The following ERBB4 variants were observed in gnomAD, a reference collection of about 807,000 sequenced individuals.
ERBB4 encodes erb-b2 receptor tyrosine kinase 4, also known as receptor tyrosine-protein kinase erbB-4.
Under a neutral mutation model 158.0 loss-of-function variants are expected in ERBB4, and 42 were observed. The observed-to-expected ratio is 0.27, with a 90% confidence interval of 0.21 to 0.34. The LOEUF (loss-of-function observed/expected upper bound fraction) is 0.34, where lower values mean the gene tolerates loss of function less well. Ranked by LOEUF, ERBB4 falls within the 10% of genes least tolerant of loss-of-function variation. The pLI, the probability that ERBB4 is intolerant of heterozygous loss-of-function variation, is 1.00. For missense variants in ERBB4, 1,333 were observed against 1,624.1 expected (o/e 0.82, Z 3.08); for synonymous variants, 583 against 558.7 (o/e 1.04, Z -0.61).
intron 4 of ERBB4, among the ~76,000 whole-genome samples, chr2:211,759,567 C>G (rs1340911773): frequency 2.0e-5 from 3 of 152,088 alleles, no homozygotes; most frequent in Non-Finnish European, 4.4e-5. Context: ...TCTTCTGTTT[C>G]CTCTTCCTCT....
chr2:211,904,391 C>T (rs1364009015), intron 3 of ERBB4, among the ~76,000 whole-genome samples: 1 of 151,948 alleles, frequency 6.6e-6, no homozygotes, highest in African/African-American at 2.4e-5. Context: ...ATAAATGGAC[C>T]CATATTCAGG....
At chr2:212,154,503 T>C (rs1209567180) in intron 1 of ERBB4, among the ~76,000 whole-genome samples, 2 of 152,150 alleles carry the variant, frequency 1.3e-5, no homozygotes, top group Admixed American at 1.3e-4. Context: ...TTTAATATGC[T>C]AGGAGTTTAA....
At position 212,269,427 on chromosome 2, in the gene ERBB4, G is replaced by A. The variant is rs527554659; in HGVS notation, c.83-144524C>T. ...TGTGTTCATACTTATTCATGTGTGG[G>A]GAAAGCCAGCTGATTGGCATGATCC... On this transcript the variant is annotated intron_variant, in intron 1 of 27. Transcript: ENST00000342788. Among the ~76,000 whole-genome samples, 3 of 151,920 alleles carry A rather than the reference G, an allele frequency of 2.0e-5. No individual in the cohort carries two copies. In the South Asian group the frequency reaches 6.2e-4, roughly 32 times the overall value.
chr2:211,823,584 C>T (rs2077038383), intron 3 of ERBB4, among the ~76,000 whole-genome samples: 1 of 151,938 alleles, frequency 6.6e-6, no homozygotes, highest in Non-Finnish European at 1.5e-5. Flanking sequence ...AATGGAGAAT[C>T]TATAGAACCT....
chr2:211,703,979 A>G (rs2073345846), intron 11 of ERBB4, 125 bp downstream of exon 11: 4 of 740,120 alleles, frequency 5.4e-6, no homozygotes, highest in South Asian at 1.4e-5. Flanking sequence ...ATCTTTGGAA[A>G]TAAGGATGGA....
At chr2:212,279,450 A>G (rs1441874595) in intron 1 of ERBB4, among the ~76,000 whole-genome samples, 7 of 151,582 alleles carry the variant, frequency 4.6e-5, no homozygotes, top group Non-Finnish European at 8.9e-5. Flanking sequence ...TAATTCCATA[A>G]CTTAGCAATC....
chr2:212,488,458 C>T (rs1305921770), intron 1 of ERBB4, among the ~76,000 whole-genome samples: 1 of 151,936 alleles, frequency 6.6e-6, no homozygotes, highest in East Asian at 1.9e-4. Flanking sequence ...TTCTAAATCA[C>T]AAATCTCATC....
rs528648252 is a variant in ERBB4, at chr2:212,057,433, G to T, written c.234+67319C>A. ...CTCAGCTCTGCACCAAGTGGACCTA[G>T]TAGGCATCTACAGAACTCTCCACCC... On this transcript the variant is annotated intron_variant, in intron 2 of 27. Coordinates refer to ENST00000342788, the MANE Select transcript of ERBB4 (RefSeq NM_005235.3). Among the ~76,000 whole-genome samples, 13 of 152,216 alleles carry T rather than the reference G, an allele frequency of 8.5e-5. No homozygotes were observed. The East Asian group carries it at 2.5e-3, about 29-fold the overall frequency.
chr2:212,397,510 A>AG (rs1163054613), intron 1 of ERBB4, among the ~76,000 whole-genome samples: 2 of 107,268 alleles, frequency 1.9e-5, no homozygotes, highest in African/African-American at 3.4e-5. Context: ...GAAGGAAGGA[A>AG]GGGGGGAAGG....
chr2:212,416,052 A>G (rs554760393), intron 1 of ERBB4, among the ~76,000 whole-genome samples: 2 of 152,252 alleles, frequency 1.3e-5, no homozygotes, highest in African/African-American at 2.4e-5. Flanking sequence ...GTGTAATTAC[A>G]TACCCACAAA....
chr2:212,298,081 T>C (rs1285622643), intron 1 of ERBB4, among the ~76,000 whole-genome samples: 2 of 151,832 alleles, frequency 1.3e-5, no homozygotes, highest in Non-Finnish European at 2.9e-5. Context: ...TTACTACAAT[T>C]TGTTTTCACT....
intron 1 of ERBB4, among the ~76,000 whole-genome samples, chr2:212,157,633 CA>C (rs1307966370): frequency 1.3e-5 from 2 of 152,040 alleles, no homozygotes; most frequent in Non-Finnish European, 2.9e-5. Flanking sequence ...TTTCTCATTA[CA>C]AACTAAAACT....
At chr2:212,137,635 A>G (rs1559570808) in intron 1 of ERBB4, among the ~76,000 whole-genome samples, 1 of 152,228 alleles carries the variant, frequency 6.6e-6, no homozygotes, top group Admixed American at 6.5e-5. Context: ...CAGTGAACAT[A>G]CACGTGCATG....
intron 1 of ERBB4, among the ~76,000 whole-genome samples, chr2:212,238,064 G>A (rs192420746): frequency 2.0e-5 from 3 of 152,302 alleles, no homozygotes; most frequent in East Asian, 3.9e-4. Flanking sequence ...CTGGGCTTCC[G>A]CCGCCTTTCC....
chr2:211,473,055 T>A (rs1344066423), intron 20 of ERBB4, among the ~76,000 whole-genome samples: 1 of 151,550 alleles, frequency 6.6e-6, no homozygotes, highest in East Asian at 1.9e-4. Flanking sequence ...ATCAAAGGGG[T>A]CTTTGCAAAT....
intron 20 of ERBB4, among the ~76,000 whole-genome samples, chr2:211,435,160 G>A (rs1288963051): frequency 3.3e-5 from 5 of 152,204 alleles, no homozygotes; most frequent in Admixed American, 6.5e-5. Context: ...GATGAAGTCC[G>A]TGGAAGTTTC....
intron 1 of ERBB4, among the ~76,000 whole-genome samples, chr2:212,204,700 C>CA (rs112354649): frequency 0.03 from 2,818 of 94,034 alleles, 77 homozygotes; most frequent in African/African-American, 0.095. Context: ...CTGTCCCCCA[C>CA]AAAAAAAACA....
intron 1 of ERBB4, among the ~76,000 whole-genome samples, chr2:212,382,555 T>C (rs1365815425): frequency 6.6e-6 from 1 of 150,958 alleles, no homozygotes; most frequent in Non-Finnish European, 1.5e-5. Flanking sequence ...TATTTTAATT[T>C]ATATGTATAT....
chr2:211,377,054 T>A lies in ERBB4; in HGVS notation c.*6561A>T, dbSNP rs2062487353. 4.3e-6 allele frequency: 1 copy of A among 232,980 alleles called. No individual in the cohort carries two copies. Among genetic ancestry groups the A allele is most frequent in the African/African-American group, 2.2e-5 (1 of 45,288 alleles). The allele number at this position is 232,980 out of a possible 1,614,324, so 14.4% of individuals were successfully genotyped here. ...TACATTTAGAAAATAACTTTCGTAG[T>A]TGATTACTGGAGTAATCCCAAAAGG... On this transcript the variant is annotated 3_prime_UTR_variant, in exon 28 of 28. Coordinates refer to ENST00000342788, the MANE Select transcript of ERBB4 (RefSeq NM_005235.3).
Sources: gnomAD v4.1 joint callset for allele counts (sites outside exome capture counted in the v4.1 genomes callset) on GRCh38, gnomAD v4.1.1 for gene constraint, MANE v1.5 for transcripts, NCBI Gene and HGNC (gene_info 2026-07-23, HGNC 2026-07-21) for gene names.